The following UBASH3B variants were observed in gnomAD, a reference collection of about 807,000 sequenced individuals.
UBASH3B encodes ubiquitin-associated and SH3 domain-containing protein B.
A neutral mutation model predicts 83.4 loss-of-function variants in UBASH3B; 37 were observed. That is an observed-to-expected ratio of 0.44 (90% CI 0.34 to 0.58). UBASH3B has a LOEUF of 0.58. UBASH3B is among the 20% of genes least tolerant of loss of function. The pLI, the probability that UBASH3B is intolerant of heterozygous loss-of-function variation, is 0.01. For missense variants in UBASH3B, 657 were observed against 827.2 expected (o/e 0.79, Z 2.52); for synonymous variants, 304 against 318.3 (o/e 0.96, Z 0.48).
chr11:122,718,145 G>A (rs771941273), intron 1 of UBASH3B, among the ~76,000 whole-genome samples: 11 of 151,960 alleles, frequency 7.2e-5, no homozygotes, highest in Non-Finnish European at 1.6e-4. Context: ...GGCAGGCCTC[G>A]AGCTCCTAAC....
chr11:122,695,386 G>A (rs548946206), intron 1 of UBASH3B, among the ~76,000 whole-genome samples: 30 of 152,176 alleles, frequency 2.0e-4, no homozygotes, highest in African/African-American at 7.2e-4. Flanking sequence ...CAGAGCCTGC[G>A]GATGGGTGGG....
rs184395459 is a variant in UBASH3B at position 122,698,963 on chromosome 11, C to T, written c.161+42753C>T. Among the ~76,000 whole-genome samples, 663 of 152,246 alleles carry T rather than the reference C, an allele frequency of 4.4e-3. 5 individuals are homozygous for T. Among genetic ancestry groups the T allele is most frequent in the Non-Finnish European group, 6.6e-3 (446 of 68,010 alleles). ...CCTCCCAGTTCAAGCGATTATCGTG[C>T]CTCAGCCCCCTGAATAGCTGGGGCT... On this transcript the variant is annotated intron_variant, in intron 1 of 13. Coordinates refer to ENST00000284273, the MANE Select transcript of UBASH3B (RefSeq NM_032873.5).
intron 9 of UBASH3B, 111 bp from the exon 10 acceptor site, chr11:122,798,831 T>G (rs1861199488): frequency 2.8e-6 from 2 of 725,122 alleles, no homozygotes; most frequent in Admixed American, 5.1e-5. Context: ...TGAGCCCCAG[T>G]TAGGAAAGAG....
intron 1 of UBASH3B, among the ~76,000 whole-genome samples, chr11:122,769,145 C>G (rs1860601671): frequency 6.6e-6 from 1 of 152,216 alleles, no homozygotes; most frequent in Non-Finnish European, 1.5e-5. Flanking sequence ...GCATCTGCTT[C>G]TGTCAAGAAC....
intron 11 of UBASH3B, among the ~76,000 whole-genome samples, chr11:122,805,480 C>T (rs1180315655): frequency 2.6e-5 from 4 of 151,994 alleles, no homozygotes; most frequent in South Asian, 2.1e-4. Flanking sequence ...TGCAGTGAGT[C>T]GAGATCGAGC....
At chr11:122,699,531 CTCTT>C (rs60346108) in intron 1 of UBASH3B, among the ~76,000 whole-genome samples, 10,663 of 107,678 alleles carry the variant, frequency 0.099, 449 homozygotes, top group Non-Finnish European at 0.12. Flanking sequence ...TTCTTTCTTT[CTCTT>C]TCTTTCTTTC....
At chr11:122,659,114 A>G (rs1166284103) in intron 1 of UBASH3B, among the ~76,000 whole-genome samples, 1 of 152,034 alleles carries the variant, frequency 6.6e-6, no homozygotes, top group Non-Finnish European at 1.5e-5. Context: ...TCTTATAAGG[A>G]TACATGTGGT....
chr11:122,739,981 A>G (rs531579256), intron 1 of UBASH3B, among the ~76,000 whole-genome samples: 14 of 152,244 alleles, frequency 9.2e-5, no homozygotes, highest in Non-Finnish European at 1.8e-4. Context: ...ACTAGTTTCT[A>G]GAAAAGCTGT....
chr11:122,700,186 A>T (rs948572153), intron 1 of UBASH3B, among the ~76,000 whole-genome samples: 3 of 152,200 alleles, frequency 2.0e-5, no homozygotes, highest in African/African-American at 7.2e-5. Context: ...GGAAGAGGTC[A>T]GTCTCTTATG....
chr11:122,687,681 C>T (rs1863826227), intron 1 of UBASH3B, among the ~76,000 whole-genome samples: 1 of 152,180 alleles, frequency 6.6e-6, no homozygotes, highest in Non-Finnish European at 1.5e-5. Flanking sequence ...ATTTGCACAG[C>T]ATCACTCAGT....
chr11:122,742,963 G>C (rs12366073), intron 1 of UBASH3B, among the ~76,000 whole-genome samples: 2,839 of 152,318 alleles, frequency 0.019, 31 homozygotes, highest in Non-Finnish European at 0.028. Context: ...TGTGTGGTGT[G>C]TGAGAAATGG....
At position 122,789,314 on chromosome 11, in the gene UBASH3B, C is replaced by G; in HGVS notation, c.980+6C>G. ...AGCACCTGGATATTTCATGGGTAAG[C>G]AGACACAAAGACCTTTATGCCATTT... On this transcript the variant is annotated splice_donor_region_variant and intron_variant, in intron 6 of 13. Coordinates refer to ENST00000284273, the MANE Select transcript of UBASH3B (RefSeq NM_032873.5). The G allele has an allele frequency of 9.3e-6, 15 of 1,614,060 alleles. No homozygotes were observed. The highest frequency in any genetic ancestry group is 1.3e-5 in the Non-Finnish European group (15 of 1,179,926).
intron 11 of UBASH3B, among the ~76,000 whole-genome samples, chr11:122,804,715 T>C (rs1425234507): frequency 1.3e-5 from 2 of 152,292 alleles, no homozygotes; most frequent in Middle Eastern, 3.4e-3. Context: ...GTGCTAATAG[T>C]AGTGGTAATA....
At chr11:122,723,242 A>C (rs1860673022) in intron 1 of UBASH3B, among the ~76,000 whole-genome samples, 1 of 152,244 alleles carries the variant, frequency 6.6e-6, no homozygotes, top group South Asian at 2.1e-4. Context: ...TCAGATTACA[A>C]AGCCCTTTTG....
intron 4 of UBASH3B, chr11:122,782,791 A>G: frequency 2.6e-6 from 1 of 381,874 alleles, no homozygotes; most frequent in East Asian, 4.5e-5. Flanking sequence ...GGACTTAACT[A>G]AAAGGACTGC....
intron 4 of UBASH3B, among the ~76,000 whole-genome samples, chr11:122,780,760 G>T (rs1860838817): frequency 6.6e-6 from 1 of 152,208 alleles, no homozygotes; most frequent in Non-Finnish European, 1.5e-5. Flanking sequence ...ATGAGATGGT[G>T]TGAGCAGAGG....
intron 1 of UBASH3B, among the ~76,000 whole-genome samples, chr11:122,720,091 T>G (rs1016414622): frequency 2.0e-5 from 3 of 152,192 alleles, no homozygotes; most frequent in Non-Finnish European, 2.9e-5. Context: ...CCTGGCTTTA[T>G]GTACTATCCA....
chr11:122,730,886 C>T (rs1165997538), intron 1 of UBASH3B, among the ~76,000 whole-genome samples: 1 of 152,236 alleles, frequency 6.6e-6, no homozygotes, highest in Non-Finnish European at 1.5e-5. Flanking sequence ...TGGGCCACCG[C>T]TCCTGGCCAA....
At chr11:122,738,226 A>C (rs1295430973) in intron 1 of UBASH3B, among the ~76,000 whole-genome samples, 6 of 152,214 alleles carry the variant, frequency 3.9e-5, no homozygotes, top group Admixed American at 3.9e-4. Flanking sequence ...GAACGATTGC[A>C]TTGTATTTAG....
Sources: allele counts gnomAD v4.1 joint callset (sites outside exome capture counted in the v4.1 genomes callset), GRCh38; gene constraint gnomAD v4.1.1; transcripts MANE v1.5; gene names NCBI Gene and HGNC (gene_info 2026-07-23, HGNC 2026-07-21).